The following DPY19L3 variants were observed in gnomAD, a reference collection of about 807,000 sequenced individuals.
DPY19L3 encodes the protein dpy-19 like C-mannosyltransferase 3.
In DPY19L3, 51 loss-of-function variants were observed where a neutral mutation model predicts 92.3. The observed-to-expected ratio is 0.55, with a 90% confidence interval of 0.44 to 0.70. The LOEUF (loss-of-function observed/expected upper bound fraction) is 0.70. Among genes scored for constraint, DPY19L3 ranks in the 30% least tolerant of loss-of-function variants. DPY19L3 has a pLI of 0.00. For missense variants in DPY19L3, 706 were observed against 855.9 expected (o/e 0.82, Z 2.18); for synonymous variants, 309 against 315.2 (o/e 0.98, Z 0.21).
chr19:32,423,402 A>ATTTTTT (rs71176123), intron 3 of DPY19L3, among the ~76,000 whole-genome samples: 3 of 82,228 alleles, frequency 3.6e-5, no homozygotes, highest in East Asian at 3.9e-4. Context: ...TGCCCAGCTA[A>ATTTTTT]TTTTTTTTTT....
chr19:32,447,802 C>CGTAG (rs71336906), intron 8 of DPY19L3, among the ~76,000 whole-genome samples: 1 of 85,466 alleles, frequency 1.2e-5, no homozygotes, highest in Non-Finnish European at 2.4e-5. Flanking sequence ...CCATCTCATT[C>CGTAG]ATAGATAGAT....
intron 3 of DPY19L3, among the ~76,000 whole-genome samples, chr19:32,432,070 T>C (rs1440344048): frequency 5.9e-5 from 9 of 152,218 alleles, no homozygotes; most frequent in Non-Finnish European, 1.2e-4. Flanking sequence ...ATTGGATTAT[T>C]CCAGAAAGTC....
At chr19:32,431,855 GTTATAC>G (rs1170387909) in intron 3 of DPY19L3, among the ~76,000 whole-genome samples, 1 of 152,052 alleles carries the variant, frequency 6.6e-6, no homozygotes, top group African/African-American at 2.4e-5. Context: ...TAATCATTTT[GTTATAC>G]TTATTCGTAC....
chr19:32,467,778 T>A, intron 15 of DPY19L3: 1 of 982,088 alleles, frequency 1.0e-6, no homozygotes, highest in Non-Finnish European at 1.2e-6. Flanking sequence ...TGATCAAGTC[T>A]TTTTAGTCAA....
chr19:32,407,264 T>TCCCC (rs148363125), intron 1 of DPY19L3, among the ~76,000 whole-genome samples: 23 of 81,284 alleles, frequency 2.8e-4, no homozygotes, highest in South Asian at 1.3e-3. Context: ...AGGCTCCTGC[T>TCCCC]CCCCCCCACC....
intron 4 of DPY19L3, among the ~76,000 whole-genome samples, chr19:32,433,540 C>G (rs1969038652): frequency 6.6e-6 from 1 of 152,154 alleles, no homozygotes; most frequent in Non-Finnish European, 1.5e-5. Context: ...GCCTCAGCCT[C>G]TCAAGTAGCT....
At chr19:32,478,385 G>T (rs185951677) in intron 17 of DPY19L3, among the ~76,000 whole-genome samples, 22 of 152,352 alleles carry the variant, frequency 1.4e-4, no homozygotes, top group African/African-American at 4.8e-4. Context: ...AGGAAAAGGC[G>T]TTGAGGCATA....
intron 16 of DPY19L3, among the ~76,000 whole-genome samples, chr19:32,472,935 G>A (rs1259440929): frequency 6.6e-6 from 1 of 152,168 alleles, no homozygotes; most frequent in African/African-American, 2.4e-5. Context: ...TAAATATGAT[G>A]TAGGCTAAGT....
At chr19:32,443,579 T>G (rs975530536) in intron 8 of DPY19L3, among the ~76,000 whole-genome samples, 4 of 152,178 alleles carry the variant, frequency 2.6e-5, no homozygotes, top group Admixed American at 1.3e-4. Flanking sequence ...AGTTCCTTGA[T>G]CTTGGACTTG....
At chr19:32,471,983 G>C (rs1016050623) in intron 16 of DPY19L3, among the ~76,000 whole-genome samples, 1 of 152,086 alleles carries the variant, frequency 6.6e-6, no homozygotes, top group Non-Finnish European at 1.5e-5. Flanking sequence ...TATGGGCACC[G>C]TGTGAAGTGT....
intron 3 of DPY19L3, chr19:32,413,336 TA>T (rs1439884754): frequency 1.3e-5 from 2 of 152,242 alleles, no homozygotes; most frequent in African/African-American, 4.8e-5. Context: ...AAATCTAATT[TA>T]TAAGAATGAC....
rs964378782 is a variant in DPY19L3 at position 32,484,075 on chromosome 19, C to T, written c.*1835C>T. On this transcript the variant is annotated 3_prime_UTR_variant, in exon 19 of 19. Coordinates refer to ENST00000392250, the MANE Select transcript of DPY19L3 (RefSeq NM_001172774.2). Reference sequence around the variant, plus strand: ...TTGGAGTCTTAATATACAAGAAACACGTACTTAAATTTTTATGCTTATCAC... The same window carrying T: ...TTGGAGTCTTAATATACAAGAAACATGTACTTAAATTTTTATGCTTATCAC... The T allele has an allele frequency of 6.6e-6, 1 of 152,382 alleles. No homozygotes were observed. Among genetic ancestry groups the T allele is most frequent in the Admixed American group, 6.6e-5 (1 of 15,262 alleles). 9.4% of individuals were successfully genotyped at this position (152,382 alleles called of 1,614,324 possible).
At chr19:32,458,661 C>T in intron 12 of DPY19L3, 152 bp downstream of exon 12, 2 of 806,480 alleles carry the variant, frequency 2.5e-6, no homozygotes, top group South Asian at 3.5e-5. Flanking sequence ...GACTACACTC[C>T]CAGTAGTTAG....
intron 16 of DPY19L3, among the ~76,000 whole-genome samples, chr19:32,473,764 G>A (rs1970423996): frequency 6.6e-6 from 1 of 152,184 alleles, no homozygotes; most frequent in South Asian, 2.1e-4. Context: ...CATCCCTACT[G>A]TCCTCAGAAG....
chr19:32,471,567 TC>T (rs1404226324), intron 16 of DPY19L3, among the ~76,000 whole-genome samples: 2 of 152,146 alleles, frequency 1.3e-5, no homozygotes, highest in Non-Finnish European at 2.9e-5. Context: ...TCCATCCTCT[TC>T]ATCACTCACA....
chr19:32,440,996 T>C (rs1969304222), intron 8 of DPY19L3, among the ~76,000 whole-genome samples: 1 of 152,142 alleles, frequency 6.6e-6, no homozygotes, highest in South Asian at 2.1e-4. Flanking sequence ...AGTTTATATA[T>C]GTATATGAAA....
intron 15 of DPY19L3, among the ~76,000 whole-genome samples, chr19:32,467,239 C>G (rs1230168355): frequency 6.6e-6 from 1 of 152,180 alleles, no homozygotes; most frequent in Non-Finnish European, 1.5e-5. Context: ...CCGCAAAATT[C>G]TCACTAGCTT....
intron 3 of DPY19L3, among the ~76,000 whole-genome samples, chr19:32,426,166 A>G (rs1326818733): frequency 6.6e-6 from 1 of 151,956 alleles, no homozygotes. Flanking sequence ...TCATGAACCA[A>G]CCTCTGCTAG....
intron 1 of DPY19L3, among the ~76,000 whole-genome samples, chr19:32,407,987 C>T (rs1968036444): frequency 6.6e-6 from 1 of 151,876 alleles, no homozygotes; most frequent in Non-Finnish European, 1.5e-5. Flanking sequence ...ACTCGGGAGG[C>T]TGAGGTGGAT....
Sources: allele counts gnomAD v4.1 joint callset (sites outside exome capture counted in the v4.1 genomes callset), GRCh38; gene constraint gnomAD v4.1.1; transcripts MANE v1.5; gene names NCBI Gene and HGNC (gene_info 2026-07-23, HGNC 2026-07-21).